Variants in SUPT3H observed in about 807,000 individuals in gnomAD.
The protein encoded by SUPT3H is SPT3 homolog, SAGA and STAGA complex component, also known as transcription initiation protein SPT3 homolog.
A neutral mutation model predicts 44.3 loss-of-function variants in SUPT3H; 44 were observed. The ratio of observed to expected loss-of-function variants is 0.99; its 90% confidence interval spans 0.78 to 1.28. The LOEUF (loss-of-function observed/expected upper bound fraction) is 1.28, where lower values mean the gene tolerates loss of function less well. SUPT3H is among the 50% of genes most tolerant of loss of function. SUPT3H has a pLI of 0.00. For missense variants in SUPT3H, 380 were observed against 387.1 expected, an observed-to-expected ratio of 0.98 and a Z score of 0.15; for synonymous variants, 124 against 125.6, an observed-to-expected ratio of 0.99 and a Z score of 0.09.
chr6:45,033,586 T>C (rs1787268450), intron 3 of SUPT3H, among the ~76,000 whole-genome samples: 1 of 152,136 alleles, frequency 6.6e-6, no homozygotes, highest in South Asian at 2.1e-4. Flanking sequence ...CTATGAAAAG[T>C]TTATTCTAAA....
chr6:45,176,614 T>G (rs1328692660), intron 2 of SUPT3H, among the ~76,000 whole-genome samples: 1 of 148,866 alleles, frequency 6.7e-6, no homozygotes, highest in African/African-American at 2.5e-5. Flanking sequence ...GCTCCACCTC[T>G]GGGGGCAGGG....
intron 2 of SUPT3H, among the ~76,000 whole-genome samples, chr6:45,219,135 T>C (rs1272368195): frequency 6.6e-6 from 1 of 151,976 alleles, no homozygotes; most frequent in Non-Finnish European, 1.5e-5. Flanking sequence ...TATCACTACA[T>C]GCTTACATTA....
chr6:45,197,314 A>C (rs1816221586), intron 2 of SUPT3H, among the ~76,000 whole-genome samples: 1 of 151,618 alleles, frequency 6.6e-6, no homozygotes, highest in Admixed American at 6.6e-5. Flanking sequence ...AAATGACTCA[A>C]AAACTCATGA....
intron 2 of SUPT3H, among the ~76,000 whole-genome samples, chr6:45,270,066 CATA>C (rs1242259164): frequency 6.6e-6 from 1 of 152,012 alleles, no homozygotes; most frequent in African/African-American, 2.4e-5. Flanking sequence ...GCTTCTTCAA[CATA>C]ATGTTTTTAA....
intron 3 of SUPT3H, among the ~76,000 whole-genome samples, chr6:45,076,502 G>GAAAA (rs11411267): frequency 7.0e-6 from 1 of 142,854 alleles, no homozygotes; most frequent in Non-Finnish European, 1.5e-5. Flanking sequence ...ACTACAAGAA[G>GAAAA]AAAAAAAAAA....
intron 10 of SUPT3H, among the ~76,000 whole-genome samples, chr6:44,893,148 C>T (rs1763561241): frequency 6.6e-6 from 1 of 152,130 alleles, no homozygotes; most frequent in Non-Finnish European, 1.5e-5. Context: ...TATGTACACA[C>T]AGAAGGCATC....
chr6:45,115,292 G>A (rs1041286287), intron 2 of SUPT3H, among the ~76,000 whole-genome samples: 1 of 151,976 alleles, frequency 6.6e-6, no homozygotes, highest in African/African-American at 2.4e-5. Context: ...AGAGAATTTT[G>A]TACCATCAGA....
chr6:45,084,568 G>C (rs566704503), intron 3 of SUPT3H, among the ~76,000 whole-genome samples: 1 of 152,224 alleles, frequency 6.6e-6, no homozygotes, highest in East Asian at 1.9e-4. Context: ...ATTTCACAAA[G>C]AACTTAAAAC....
intron 2 of SUPT3H, among the ~76,000 whole-genome samples, chr6:45,330,824 A>C (rs1431966969): frequency 6.6e-6 from 1 of 151,876 alleles, no homozygotes; most frequent in Non-Finnish European, 1.5e-5. Context: ...TGAATAGAGA[A>C]CTTAACATCA....
chr6:45,202,408 TGAA>T (rs1762577412), intron 2 of SUPT3H, among the ~76,000 whole-genome samples: 2 of 152,010 alleles, frequency 1.3e-5, no homozygotes, highest in South Asian at 4.1e-4. Context: ...AGGAAAACAA[TGAA>T]GGCCTTACAT....
At chr6:44,823,091 G>A (rs1185582847), downstream of SUPT3H, among the ~76,000 whole-genome samples, 2 of 124,952 alleles carry the variant, frequency 1.6e-5, no homozygotes, top group Non-Finnish European at 3.2e-5. Flanking sequence ...AATAGAATGA[G>A]ACTCCGTTTC....
chr6:44,879,533 C>G (rs1310949931), intron 10 of SUPT3H, among the ~76,000 whole-genome samples: 1 of 152,194 alleles, frequency 6.6e-6, no homozygotes, highest in African/African-American at 2.4e-5. Flanking sequence ...CCTGCTGGTT[C>G]TGAAGAGAGC....
At chr6:44,837,349 TAATA>T (rs1377750274) in intron 10 of SUPT3H, among the ~76,000 whole-genome samples, 9 of 152,226 alleles carry the variant, frequency 5.9e-5, no homozygotes, top group African/African-American at 1.9e-4. Flanking sequence ...ATTAAATGCT[TAATA>T]AATAGTCATC....
chr6:45,153,878 A>G (rs1562563576), intron 2 of SUPT3H, among the ~76,000 whole-genome samples: 1 of 151,596 alleles, frequency 6.6e-6, no homozygotes, highest in East Asian at 1.9e-4. Context: ...AACCAGCCTA[A>G]CCAACATGGT....
At chr6:45,232,842 C>T (rs936818655) in intron 2 of SUPT3H, among the ~76,000 whole-genome samples, 6 of 152,114 alleles carry the variant, frequency 3.9e-5, no homozygotes, top group East Asian at 1.9e-4. Context: ...GTGAGGGTGC[C>T]GTCACCACTC....
intron 3 of SUPT3H, among the ~76,000 whole-genome samples, chr6:45,044,343 T>G (rs756894364): frequency 1.3e-5 from 2 of 152,198 alleles, no homozygotes. Flanking sequence ...TATTCAACCT[T>G]TGAAACTCAG....
At chr6:45,331,239 C>T (rs1447675802) in intron 2 of SUPT3H, among the ~76,000 whole-genome samples, 2 of 151,880 alleles carry the variant, frequency 1.3e-5, no homozygotes, top group African/African-American at 4.8e-5. Flanking sequence ...AAAATCTGTC[C>T]ATCATTTATC....
At chr6:45,321,709 A>G (rs956471893) in intron 2 of SUPT3H, 1 of 942,028 alleles carries the variant, frequency 1.1e-6, no homozygotes, top group East Asian at 2.7e-5. Flanking sequence ...TTCTCTAAAC[A>G]ATCTATTTGT....
At chr6:45,220,181 T>C (rs1289126024) in intron 2 of SUPT3H, among the ~76,000 whole-genome samples, 2 of 150,194 alleles carry the variant, frequency 1.3e-5, no homozygotes, top group Middle Eastern at 3.4e-3. Context: ...TTGCAGACCA[T>C]CTTCTCTCAC....
Sources: gnomAD v4.1 joint callset for allele counts (sites outside exome capture counted in the v4.1 genomes callset) on GRCh38, gnomAD v4.1.1 for gene constraint, MANE v1.5 for transcripts, NCBI Gene and HGNC (gene_info 2026-07-23, HGNC 2026-07-21) for gene names.